Variants in TMEM260 observed in about 807,000 individuals in gnomAD.
The protein encoded by TMEM260 is transmembrane protein 260.
In TMEM260, 82 loss-of-function variants were observed where a neutral mutation model predicts 88.9. The ratio of observed to expected loss-of-function variants is 0.92; its 90% CI spans 0.77 to 1.11. TMEM260 has a LOEUF of 1.11. Among genes scored for constraint, TMEM260 ranks in the 50% least tolerant of loss-of-function variants. TMEM260 has a pLI of 0.00. For synonymous variants in TMEM260, 314 were observed against 309.3 expected, an observed-to-expected ratio of 1.02 and a Z score of -0.16; for missense variants, 902 against 853.4, an observed-to-expected ratio of 1.06 and a Z score of -0.71.
intron 2 of TMEM260, 24 bp downstream of exon 2, chr14:56,585,056 A>G: frequency 6.2e-7 from 1 of 1,604,432 alleles, no homozygotes; most frequent in Non-Finnish European, 8.5e-7. Context: ...TTATTGTTTA[A>G]TCAATGCTCT....
intron 3 of TMEM260, among the ~76,000 whole-genome samples, chr14:56,601,875 C>G (rs1349086550): frequency 6.6e-6 from 1 of 152,118 alleles, no homozygotes; most frequent in African/African-American, 2.4e-5. Flanking sequence ...CACTTACTTA[C>G]TTTCTGGCAC....
intron 5 of TMEM260, 36 bp from the exon 6 acceptor site, chr14:56,609,070 A>G (rs1471208641): frequency 6.3e-7 from 1 of 1,591,212 alleles, no homozygotes; most frequent in Non-Finnish European, 8.6e-7. Context: ...CTACTAAAAT[A>G]AACATTGTTA....
upstream of TMEM260, chr14:56,579,672 A>G: frequency 2.6e-6 from 1 of 391,614 alleles, no homozygotes. Flanking sequence ...ATCACATTAT[A>G]AGTAGGTGAA....
In TMEM260 at chr14:56,625,393, C is replaced by T. The variant is rs375476463; in HGVS notation, c.1410C>T (p.Tyr470=). The part of the protein sequence containing the change: ...ISLVDQEMMT[Y]EWYLPKMAKH... ...GACTTTTCTGGCAGATGATGACTTA[C>T]GAGTGGTATTTACCCAAGATGGCAA... is the stretch of plus-strand genomic sequence containing the variant. Residue 470 remains tyrosine, a synonymous_variant, in exon 12 of 16, where the codon TAC becomes TAT. Coordinates refer to ENST00000261556, the MANE Select transcript of TMEM260 (RefSeq NM_017799.4). 83 of 1,612,954 alleles carry T rather than the reference C, an allele frequency of 5.1e-5. No homozygotes were observed. The highest frequency in any genetic ancestry group is 1.3e-4 in the Admixed American group (8 of 59,796).
chr14:56,649,456 A>G lies in TMEM260; in HGVS notation c.*1959A>G, dbSNP rs1376650516. 6.6e-6 allele frequency: 1 copy of G among 152,140 alleles called. No homozygotes were observed. Among genetic ancestry groups the G allele is most frequent in the Non-Finnish European group, 1.5e-5 (1 of 68,040 alleles). The allele number at this position is 152,140 out of a possible 1,614,324, so 9.4% of individuals were successfully genotyped here. ...CATTTGAAAGAAATTGTGTAAGATT[A>G]TGATATTCTCTTTTCTTTAAAAAAA... On this transcript the variant is annotated 3_prime_UTR_variant, in exon 16 of 16. Transcript: ENST00000261556.
intron 15 of TMEM260, 88 bp downstream of exon 15, chr14:56,636,686 T>C (rs1889116269): frequency 8.9e-7 from 1 of 1,124,198 alleles, no homozygotes; most frequent in Non-Finnish European, 1.3e-6. Context: ...TATATCACAT[T>C]AGAATTTTTA....
intron 15 of TMEM260, among the ~76,000 whole-genome samples, chr14:56,646,277 G>T (rs1163441364): frequency 6.6e-6 from 1 of 152,200 alleles, no homozygotes; most frequent in Non-Finnish European, 1.5e-5. Flanking sequence ...TGGAAAAATA[G>T]ATAATATGAT....
chr14:56,585,369 C>A (rs1018486480), intron 2 of TMEM260, among the ~76,000 whole-genome samples: 1 of 152,072 alleles, frequency 6.6e-6, no homozygotes, highest in Non-Finnish European at 1.5e-5. Flanking sequence ...CAAGACCTTA[C>A]GACTGTCAGC....
At position 56,579,886 on chromosome 14, in the gene TMEM260, T is replaced by TG. The variant is rs1884988222; in HGVS notation, c.-28dup. 6.0e-5 allele frequency: 74 copies of TG among 1,232,028 alleles called. No homozygotes were observed. Among genetic ancestry groups the TG allele is most frequent in the Non-Finnish European group, 7.5e-5 (74 of 987,688 alleles). The allele number at this position is 1,232,028 out of a possible 1,614,324, so 76.3% of individuals were successfully genotyped here. ...TCGCACCGGGTTCTTGGGCTGGCCG[T>TG]GTCCTTCTCCCTCGGTCGCCACTGG... is the stretch of plus-strand genomic sequence containing the variant. On this transcript the variant is annotated 5_prime_UTR_variant, in exon 1 of 16. Transcript: ENST00000261556.
chr14:56,632,179 T>G (rs887801064), intron 12 of TMEM260, among the ~76,000 whole-genome samples: 2 of 152,198 alleles, frequency 1.3e-5, no homozygotes, highest in African/African-American at 4.8e-5. Flanking sequence ...GGTCACCCCA[T>G]TACTTTCCAG....
intron 12 of TMEM260, among the ~76,000 whole-genome samples, chr14:56,625,886 G>A (rs1300769284): frequency 6.6e-6 from 1 of 152,112 alleles, no homozygotes; most frequent in Non-Finnish European, 1.5e-5. Context: ...TAAGTGTAAA[G>A]CAAATGTTTT....
At chr14:56,591,727 C>T (rs1885876312) in intron 3 of TMEM260, among the ~76,000 whole-genome samples, 1 of 152,074 alleles carries the variant, frequency 6.6e-6, no homozygotes, top group Non-Finnish European at 1.5e-5. Context: ...CCAGGCTGTA[C>T]CATTGTGCAA....
In TMEM260 at chr14:56,633,974, A is replaced by ATTG. The variant is rs1383304647; in HGVS notation, c.1724+808_1724+810dup. Among the ~76,000 whole-genome samples, 3 of 152,248 alleles carry ATTG rather than the reference A, an allele frequency of 2.0e-5. No individual in the cohort carries two copies. In the East Asian group the frequency reaches 5.8e-4, roughly 29 times the overall value. ...GACAGTATGCGCAAATACAGACCAC[A>ATTG]TTGTTGTATAACAGCCAGAGATGGA... On this transcript the variant is annotated intron_variant, in intron 13 of 15. Coordinates refer to ENST00000261556, the MANE Select transcript of TMEM260 (RefSeq NM_017799.4).
chr14:56,612,640 A>G (rs1887352389), intron 7 of TMEM260: 1 of 189,616 alleles, frequency 5.3e-6, no homozygotes, highest in African/African-American at 2.4e-5. Flanking sequence ...TGTATTGTCT[A>G]GGGAATTATG....
chr14:56,622,636 A>T (rs1888002720), intron 11 of TMEM260, among the ~76,000 whole-genome samples: 1 of 152,188 alleles, frequency 6.6e-6, no homozygotes, highest in East Asian at 1.9e-4. Flanking sequence ...TTAAACTAAG[A>T]TTTATTATTT....
chr14:56,596,817 A>C (rs1299923495), intron 3 of TMEM260, among the ~76,000 whole-genome samples: 1 of 146,142 alleles, frequency 6.8e-6, no homozygotes, highest in South Asian at 2.2e-4. Context: ...ACACACACAC[A>C]CCAATATGCT....
chr14:56,584,877 C>CA, intron 1 of TMEM260, 124 bp from the exon 2 acceptor site: 1 of 714,152 alleles, frequency 1.4e-6, no homozygotes, highest in Non-Finnish European at 2.4e-6. Context: ...TAAATCTCTA[C>CA]AGATTTACAG....
intron 12 of TMEM260, among the ~76,000 whole-genome samples, chr14:56,629,003 C>T (rs1051679992): frequency 2.0e-5 from 3 of 151,736 alleles, no homozygotes; most frequent in Non-Finnish European, 1.5e-5. Flanking sequence ...TATAGCGATT[C>T]TCCTGCCTTA....
At chr14:56,604,103 A>G in intron 4 of TMEM260, 111 bp downstream of exon 4, 1 of 1,003,108 alleles carries the variant, frequency 1.0e-6, no homozygotes, top group Non-Finnish European at 1.4e-6. Flanking sequence ...TACAGTCGGG[A>G]TAATCTAGCA....
Sources: allele counts gnomAD v4.1 joint callset (sites outside exome capture counted in the v4.1 genomes callset), GRCh38; gene constraint gnomAD v4.1.1; transcripts MANE v1.5; gene names NCBI Gene and HGNC (gene_info 2026-07-23, HGNC 2026-07-21).